Variants in SPMAP2L observed in about 807,000 individuals in gnomAD.
The protein encoded by SPMAP2L is sperm microtubule associated protein 2 like.
At chr4:56,548,959 AG>A in the SPMAP2L span, 2 of 446,140 alleles carry the variant, frequency 4.5e-6, no homozygotes, top group Non-Finnish European at 7.4e-6. Context: ...CTTTGTCATA[AG>A]GTCCTTTTCT....
chr4:56,583,227 T>C, the SPMAP2L span, among the ~76,000 whole-genome samples: 2 of 150,924 alleles, frequency 1.3e-5, no homozygotes, highest in East Asian at 1.9e-4. Context: ...TGAGCCCAGA[T>C]AGTGCTACTG....
chr4:56,625,405 G>A, the SPMAP2L span, among the ~76,000 whole-genome samples: 11 of 152,164 alleles, frequency 7.2e-5, no homozygotes, highest in African/African-American at 2.7e-4. Flanking sequence ...AGGCATGATT[G>A]GTTTTGAAAT....
the SPMAP2L span, among the ~76,000 whole-genome samples, chr4:56,539,732 T>C: frequency 2.0e-5 from 3 of 152,244 alleles, no homozygotes; most frequent in African/African-American, 7.2e-5. Context: ...TAATGTAGTG[T>C]TTTCTAAAGC....
At chr4:56,537,640 C>A in the SPMAP2L span, among the ~76,000 whole-genome samples, 1 of 152,144 alleles carries the variant, frequency 6.6e-6, no homozygotes, top group Non-Finnish European at 1.5e-5. Context: ...CTGCTGCTAA[C>A]ACACTCACTC....
At chr4:56,535,952 A>G in the SPMAP2L span, among the ~76,000 whole-genome samples, 12 of 152,192 alleles carry the variant, frequency 7.9e-5, no homozygotes, top group Non-Finnish European at 1.5e-4. Flanking sequence ...CAATCTATCA[A>G]TCATTAGTTA....
At chr4:56,581,410 A>T in the SPMAP2L span, among the ~76,000 whole-genome samples, 2 of 151,944 alleles carry the variant, frequency 1.3e-5, no homozygotes, top group Admixed American at 1.3e-4. Context: ...AACCGAGACC[A>T]CATCATTGCA....
the SPMAP2L span, among the ~76,000 whole-genome samples, chr4:56,569,224 T>C: frequency 6.6e-6 from 1 of 152,226 alleles, no homozygotes; most frequent in African/African-American, 2.4e-5. Flanking sequence ...TTTGATGAAC[T>C]GCTAGACTGT....
chr4:56,572,391 C>G, the SPMAP2L span, among the ~76,000 whole-genome samples: 1 of 152,168 alleles, frequency 6.6e-6, no homozygotes, highest in Admixed American at 6.5e-5. Flanking sequence ...ACCGAAAGGT[C>G]ATTACACGGT....
At chr4:56,544,409 T>C in the SPMAP2L span, among the ~76,000 whole-genome samples, 1 of 152,222 alleles carries the variant, frequency 6.6e-6, no homozygotes, top group Admixed American at 6.5e-5. Context: ...GAATAATTTT[T>C]TGGGGAAAAT....
the SPMAP2L span, among the ~76,000 whole-genome samples, chr4:56,623,066 G>A: frequency 6.6e-6 from 1 of 152,036 alleles, no homozygotes; most frequent in African/African-American, 2.4e-5. Flanking sequence ...GTTCCCTTTG[G>A]GTCCTCCAGC....
At chr4:56,543,973 T>TGAGAGAGAGAGAGA in the SPMAP2L span, among the ~76,000 whole-genome samples, 2 of 127,192 alleles carry the variant, frequency 1.6e-5, no homozygotes, top group African/African-American at 6.2e-5. Context: ...TGTGTGTATG[T>TGAGAGAGAGAGAGA]GAGAGAGAGA....
At chr4:56,553,418 C>A in the SPMAP2L span, among the ~76,000 whole-genome samples, 1 of 151,536 alleles carries the variant, frequency 6.6e-6, no homozygotes, top group South Asian at 2.1e-4. Flanking sequence ...GCCTCAAACT[C>A]CTGTGCTTAA....
At chr4:56,599,350 A>T in the SPMAP2L span, among the ~76,000 whole-genome samples, 1 of 151,780 alleles carries the variant, frequency 6.6e-6, no homozygotes, top group African/African-American at 2.4e-5. Context: ...TGCCCAGCTA[A>T]TTTTTTTTGC....
the SPMAP2L span, among the ~76,000 whole-genome samples, chr4:56,531,469 G>A: frequency 1.8e-4 from 28 of 152,066 alleles, no homozygotes; most frequent in Admixed American, 5.9e-4. Context: ...TTCTTCATTC[G>A]CCTCTACAGT....
At chr4:56,574,430 A>C in the SPMAP2L span, among the ~76,000 whole-genome samples, 1 of 152,078 alleles carries the variant, frequency 6.6e-6, no homozygotes, top group Non-Finnish European at 1.5e-5. Context: ...AAAAATAATA[A>C]ATAGACAAAT....
At chr4:56,538,665 T>C in the SPMAP2L span, among the ~76,000 whole-genome samples, 1 of 152,130 alleles carries the variant, frequency 6.6e-6, no homozygotes, top group Non-Finnish European at 1.5e-5. Flanking sequence ...TAGCTAGGCA[T>C]GGTGGCATGT....
the SPMAP2L span, among the ~76,000 whole-genome samples, chr4:56,542,302 T>C: frequency 6.6e-6 from 1 of 152,188 alleles, no homozygotes; most frequent in African/African-American, 2.4e-5. Flanking sequence ...GGCCACTGTA[T>C]AGCATGTATG....
the SPMAP2L span, among the ~76,000 whole-genome samples, chr4:56,606,058 G>A: frequency 1.3e-5 from 2 of 152,032 alleles, no homozygotes; most frequent in East Asian, 1.9e-4. Context: ...CCCTTTCCTC[G>A]GGGCCGAGAG....
At chr4:56,530,669 T>A in the SPMAP2L span, 3 of 1,532,448 alleles carry the variant, frequency 2.0e-6, no homozygotes, top group East Asian at 7.3e-5. Flanking sequence ...CAGAAGCTTC[T>A]GGCGCGAATG....
Sources: allele counts gnomAD v4.1 joint callset (sites outside exome capture counted in the v4.1 genomes callset), GRCh38; gene constraint gnomAD v4.1.1; transcripts MANE v1.5; gene names NCBI Gene and HGNC (gene_info 2026-07-23, HGNC 2026-07-21).